Variants in VGLL3 observed in about 807,000 individuals in gnomAD.
The protein encoded by VGLL3 is vestigial like family member 3.
In VGLL3, 18 loss-of-function variants were observed where a neutral mutation model predicts 29.2. The ratio of observed to expected loss-of-function variants is 0.62; its 90% CI spans 0.43 to 0.91. The LOEUF (loss-of-function observed/expected upper bound fraction) is 0.91, where lower values mean the gene tolerates loss of function less well. Among genes scored for constraint, VGLL3 ranks in the 40% least tolerant of loss-of-function variants. The pLI, the probability that VGLL3 is intolerant of heterozygous loss-of-function variation, is 0.00. For synonymous variants in VGLL3, 180 were observed against 151.8 expected, an observed-to-expected ratio of 1.19 and a Z score of -1.36; for missense variants, 440 against 413.2, an observed-to-expected ratio of 1.06 and a Z score of -0.56.
chr3:86,945,503 CTGGAAGCAGTTAA>C lies in VGLL3; in HGVS notation c.*1508_*1520del, dbSNP rs1318915089. ...ACACTAACTTTTTTACATGACATCT[CTGGAAGCAGTTAA>C]TGGAAGAAATGAACTTTGCCTTTGA... On this transcript the variant is annotated 3_prime_UTR_variant, in exon 4 of 4. Coordinates refer to ENST00000398399, the MANE Select transcript of VGLL3 (RefSeq NM_016206.4). 1 of 152,150 alleles carries C rather than the reference CTGGAAGCAGTTAA, an allele frequency of 6.6e-6. No individual in the cohort carries two copies. The highest frequency in any genetic ancestry group is 2.4e-5 in the African/African-American group (1 of 41,436). The allele number at this position is 152,150 out of a possible 1,614,324, so 9.4% of individuals were successfully genotyped here. A position where few individuals can be genotyped will look rare whatever the true frequency, so the allele number is the denominator to read the frequency against.
chr3:86,984,539 C>A (rs115722033), intron 1 of VGLL3, among the ~76,000 whole-genome samples: 1 of 152,146 alleles, frequency 6.6e-6, no homozygotes, highest in Non-Finnish European at 1.5e-5. Flanking sequence ...ATGATCATAT[C>A]ATGAGGGTAT....
At position 86,946,217 on chromosome 3, in the gene VGLL3, T is replaced by A. The variant is rs1704503136; in HGVS notation, c.*807A>T. ...AAGTTTATGCCAACTTTCTTATTAG[T>A]CAACCTCCAAGTTATTCTTTGGGAG... On this transcript the variant is annotated 3_prime_UTR_variant, in exon 4 of 4. Transcript: ENST00000398399. 6.6e-6 allele frequency: 1 copy of A among 152,122 alleles called. No homozygotes were observed. Among genetic ancestry groups the A allele is most frequent in the Admixed American group, 6.6e-5 (1 of 15,256 alleles). The allele number at this position is 152,122 out of a possible 1,614,324, so 9.4% of individuals were successfully genotyped here. A position where few individuals can be genotyped will look rare whatever the true frequency, so the allele number is the denominator to read the frequency against.
intron 3 of VGLL3, among the ~76,000 whole-genome samples, chr3:86,954,606 A>G (rs1704679957): frequency 6.6e-6 from 1 of 152,130 alleles, no homozygotes; most frequent in African/African-American, 2.4e-5. Flanking sequence ...AAAAACATGA[A>G]TCATAGAGTT....
At chr3:86,983,099 C>T (rs1705362277) in intron 1 of VGLL3, among the ~76,000 whole-genome samples, 1 of 152,168 alleles carries the variant, frequency 6.6e-6, no homozygotes, top group Admixed American at 6.5e-5. Context: ...ACCACTAACT[C>T]CCCAAGGCTT....
chr3:86,956,789 T>TC (rs568717307), intron 3 of VGLL3, among the ~76,000 whole-genome samples: 2 of 64,030 alleles, frequency 3.1e-5, no homozygotes, highest in East Asian at 8.5e-4. Context: ...CGTCCCACCG[T>TC]CCCAAAAAAA....
chr3:86,951,729 TC>T (rs1176285163), intron 3 of VGLL3, among the ~76,000 whole-genome samples: 1 of 150,008 alleles, frequency 6.7e-6, no homozygotes, highest in East Asian at 2.0e-4. Context: ...CCCTGTTTTA[TC>T]CCCCCCAAAA....
intron 2 of VGLL3, among the ~76,000 whole-genome samples, chr3:86,971,621 A>G (rs552831181): frequency 6.6e-6 from 1 of 152,212 alleles, no homozygotes; most frequent in African/African-American, 2.4e-5. Context: ...TGAGGTAACT[A>G]TGTTTTCTTG....
At chr3:86,988,523 AG>A (rs1705499096) in intron 1 of VGLL3, among the ~76,000 whole-genome samples, 1 of 151,502 alleles carries the variant, frequency 6.6e-6, no homozygotes, top group Non-Finnish European at 1.5e-5. Context: ...CTTTTCCAAT[AG>A]AAAATGTAGG....
At chr3:86,976,358 T>C (rs980174289) in intron 2 of VGLL3, among the ~76,000 whole-genome samples, 5 of 152,220 alleles carry the variant, frequency 3.3e-5, no homozygotes, top group Admixed American at 6.5e-5. Flanking sequence ...TATCACCTTA[T>C]GTAAAATAAC....
chr3:86,966,948 C>T (rs1292944488), intron 3 of VGLL3, among the ~76,000 whole-genome samples: 1 of 150,578 alleles, frequency 6.6e-6, no homozygotes, highest in Non-Finnish European at 1.5e-5. Context: ...GAACAAAAAC[C>T]CTCTTGTCTA....
chr3:86,990,629 G>T lies in VGLL3; in HGVS notation c.115C>A (p.Pro39Thr). ...GTCCGGTGACTCACCTGCTGGCCAG[G>T]TTGGGGCGCCGGCTGATAGTAGGCT... ...PTAYYQPAPQ[P>T]GQQKKLAVFS... Residue 39 changes from proline to threonine, a missense_variant, in exon 1 of 4, where the codon CCT becomes ACT. By Grantham distance (38) the Pro-to-Thr change is conservative. Coordinates refer to ENST00000398399, the MANE Select transcript of VGLL3 (RefSeq NM_016206.4). The T allele has an allele frequency of 7.3e-7, 1 of 1,364,226 alleles. No individual in the cohort carries two copies. The highest frequency in any genetic ancestry group is 9.5e-7 in the Non-Finnish European group (1 of 1,049,782). 84.5% of individuals were successfully genotyped at this position (1,364,226 alleles called of 1,614,324 possible). A position where few individuals can be genotyped will look rare whatever the true frequency, so the allele number is the denominator to read the frequency against.
chr3:86,981,849 A>AGC (rs771834234), intron 1 of VGLL3, among the ~76,000 whole-genome samples: 2 of 151,978 alleles, frequency 1.3e-5, no homozygotes, highest in Non-Finnish European at 2.9e-5. Context: ...AACACACACA[A>AGC]GCACACACAC....
In VGLL3 at chr3:86,942,563, G is replaced by A. The variant is rs530366426; in HGVS notation, c.*4461C>T. On this transcript the variant is annotated 3_prime_UTR_variant, in exon 4 of 4. Transcript: ENST00000398399. ...TTCAAAAGAAATGTTCTTATCCTAG[G>A]TGCCAAGGAAGTTTGATATATAACT... 4.5e-4 allele frequency: 68 copies of A among 152,168 alleles called. No homozygotes were observed. Among genetic ancestry groups the A allele is most frequent in the African/African-American group, 1.3e-3 (56 of 41,514 alleles). The allele number at this position is 152,168 out of a possible 1,614,324, so 9.4% of individuals were successfully genotyped here.
intron 2 of VGLL3, among the ~76,000 whole-genome samples, chr3:86,970,930 A>G (rs1705088582): frequency 6.6e-6 from 1 of 152,192 alleles, no homozygotes; most frequent in Non-Finnish European, 1.5e-5. Flanking sequence ...ATTAATTCAA[A>G]TTATCTACGG....
intron 3 of VGLL3, among the ~76,000 whole-genome samples, chr3:86,948,352 G>A (rs1460012097): frequency 2.0e-5 from 3 of 152,044 alleles, no homozygotes; most frequent in Non-Finnish European, 4.4e-5. Flanking sequence ...AGCCAATTTG[G>A]TTCAAAGTTT....
At chr3:86,985,739 T>C (rs941331021) in intron 1 of VGLL3, among the ~76,000 whole-genome samples, 12 of 152,190 alleles carry the variant, frequency 7.9e-5, no homozygotes, top group African/African-American at 2.9e-4. Flanking sequence ...TGACAGAGCC[T>C]CAAATTCAAC....
Position 86,968,930 on chromosome 3 carries a change from A to T in VGLL3, c.597T>A (p.Pro199=). 1.9e-6 allele frequency: 3 copies of T among 1,613,852 alleles called. No individual in the cohort carries two copies. Among genetic ancestry groups the T allele is most frequent in the Non-Finnish European group, 2.5e-6 (3 of 1,179,974 alleles). The part of the protein sequence containing the change: ...GHNLHQTGPA[P]PPAVSESWPY... Reference sequence around the variant, plus strand: ...GCCAGGACTCAGACACAGCAGGGGGAGGGGCTGGGCCAGTCTGATGCAGGT... The same window carrying T: ...GCCAGGACTCAGACACAGCAGGGGGTGGGGCTGGGCCAGTCTGATGCAGGT... Residue 199 remains proline, a synonymous_variant, in exon 3 of 4, where the codon CCT becomes CCA. Coordinates refer to ENST00000398399, the MANE Select transcript of VGLL3 (RefSeq NM_016206.4).
In VGLL3 at chr3:86,978,679, G is replaced by A; in HGVS notation, c.250C>T (p.Leu84Phe). 1 of 1,614,088 alleles carries A rather than the reference G, an allele frequency of 6.2e-7. No individual in the cohort carries two copies. The highest frequency in any genetic ancestry group is 8.5e-7 in the Non-Finnish European group (1 of 1,180,020). Reference sequence around the variant, plus strand: ...GTGAAAAGGACACAGCGAGAGTTAAGGTACTCCATCTCGGCAGGCTGGTCT... The same window carrying A: ...GTGAAAAGGACACAGCGAGAGTTAAAGTACTCCATCTCGGCAGGCTGGTCT... ...EKDQPAEMEY[L>F]NSRCVLFTYF... The change falls in exon 2 of 4, where the codon CTT (leucine) becomes TTT (phenylalanine). Residue 84 changes from leucine to phenylalanine, a missense_variant. Coordinates refer to ENST00000398399, the MANE Select transcript of VGLL3 (RefSeq NM_016206.4).
In VGLL3 at chr3:86,942,796, T is replaced by C. The variant is rs902140888; in HGVS notation, c.*4228A>G. ...CTCCTATACCAGGTAGAAGGAACAG[T>C]TAGTAGGAGAAAAAGATTCTCTTTG... On this transcript the variant is annotated 3_prime_UTR_variant, in exon 4 of 4. Transcript: ENST00000398399. 39 of 152,112 alleles carry C rather than the reference T, an allele frequency of 2.6e-4. No individual in the cohort carries two copies. Among genetic ancestry groups the C allele is most frequent in the African/African-American group, 4.8e-5 (2 of 41,420 alleles). The allele number at this position is 152,112 out of a possible 1,614,324, so 9.4% of individuals were successfully genotyped here.
Sources: allele counts gnomAD v4.1 joint callset (sites outside exome capture counted in the v4.1 genomes callset), GRCh38; gene constraint gnomAD v4.1.1; transcripts MANE v1.5; gene names NCBI Gene and HGNC (gene_info 2026-07-23, HGNC 2026-07-21).